The following KIF9 variants were observed in gnomAD, a reference collection of about 807,000 sequenced individuals.
KIF9 encodes kinesin-like protein KIF9.
KIF9 carries 68 observed loss-of-function variants against 94.8 expected under a neutral mutation model. That is an observed-to-expected ratio of 0.72 (90% confidence interval 0.59 to 0.88). The LOEUF (loss-of-function observed/expected upper bound fraction) is 0.88. Among genes scored for constraint, KIF9 ranks in the 40% least tolerant of loss-of-function variants. The pLI, the probability that KIF9 is intolerant of heterozygous loss-of-function variation, is 0.00. For missense variants in KIF9, 882 were observed against 982.5 expected, an observed-to-expected ratio of 0.90 and a Z score of 1.37; for synonymous variants, 343 against 362.1, an observed-to-expected ratio of 0.95 and a Z score of 0.60.
chr3:47,269,448 A>AT (rs1436481514), intron 5 of KIF9, among the ~76,000 whole-genome samples: 1 of 151,262 alleles, frequency 6.6e-6, no homozygotes, highest in Non-Finnish European at 1.5e-5. Flanking sequence ...TGCCTGGCTA[A>AT]TTTTTGTATT....
chr3:47,231,375 T>A (rs1698563300), intron 20 of KIF9, among the ~76,000 whole-genome samples: 1 of 147,180 alleles, frequency 6.8e-6, no homozygotes, highest in Admixed American at 6.9e-5. Flanking sequence ...TTATTCAAAA[T>A]ATAGAATCTC....
intron 10 of KIF9, among the ~76,000 whole-genome samples, chr3:47,254,515 G>A (rs1224381384): frequency 6.6e-6 from 1 of 152,178 alleles, no homozygotes; most frequent in Non-Finnish European, 1.5e-5. Context: ...GGAGGCTGAG[G>A]CAGAAGAATG....
In KIF9 at chr3:47,256,092, C is replaced by T. The variant is rs978647709; in HGVS notation, c.1059+1391G>A. Among the ~76,000 whole-genome samples the T allele has an allele frequency of 5.9e-5, 9 of 152,206 alleles. No individual in the cohort carries two copies. The East Asian group carries it at 7.7e-4, about 13-fold the overall frequency. On this transcript the variant is annotated intron_variant, in intron 10 of 20. Coordinates refer to ENST00000684063, the MANE Select transcript of KIF9 (RefSeq NM_182902.4). Reference sequence around the variant, plus strand: ...TGGTGCCCAGGCTGGAGTGCAGTGGCGTGATCTCGGCTCGCTACAACTTCC... The same window carrying T: ...TGGTGCCCAGGCTGGAGTGCAGTGGTGTGATCTCGGCTCGCTACAACTTCC...
At chr3:47,255,404 T>C (rs893507597) in intron 10 of KIF9, among the ~76,000 whole-genome samples, 4 of 152,200 alleles carry the variant, frequency 2.6e-5, no homozygotes, top group Non-Finnish European at 4.4e-5. Flanking sequence ...AGCTGTTTAC[T>C]GGGACGAAAG....
chr3:47,241,940 G>A (rs971189279), intron 16 of KIF9, among the ~76,000 whole-genome samples: 21 of 144,662 alleles, frequency 1.5e-4, no homozygotes, highest in African/African-American at 4.7e-4. Context: ...ATGGAGTTCA[G>A]TGACTCGATC....
chr3:47,237,388 G>A lies in KIF9; in HGVS notation c.1925-769C>T, dbSNP rs140215906. On this transcript the variant is annotated intron_variant, in intron 17 of 20. Coordinates refer to ENST00000684063, the MANE Select transcript of KIF9 (RefSeq NM_182902.4). The stretch of plus-strand genomic sequence containing the variant: ...GGATTACAGGCGTGAGCCACCATGC[G>A]CAGCTCACCAGCTACCTTCTTGTTA... Among the ~76,000 whole-genome samples, 13 of 152,216 alleles carry A rather than the reference G, an allele frequency of 8.5e-5. No individual in the cohort carries two copies. The East Asian group carries it at 2.5e-3, about 29-fold the overall frequency.
chr3:47,270,766 CT>C (rs1451866587), intron 5 of KIF9, among the ~76,000 whole-genome samples: 2 of 150,954 alleles, frequency 1.3e-5, no homozygotes, highest in African/African-American at 4.9e-5. Context: ...AAATAAAATT[CT>C]TTTTTGTTCC....
At chr3:47,234,299 T>C (rs552694033) in intron 20 of KIF9, among the ~76,000 whole-genome samples, 11 of 151,380 alleles carry the variant, frequency 7.3e-5, no homozygotes, top group African/African-American at 1.2e-4. Flanking sequence ...AGTGGTACAA[T>C]CTCAGCTCAC....
intron 10 of KIF9, among the ~76,000 whole-genome samples, chr3:47,251,875 G>C (rs368041083): frequency 6.6e-6 from 1 of 152,124 alleles, no homozygotes; most frequent in African/African-American, 2.4e-5. Flanking sequence ...ATCACCGACT[G>C]GCAGAGTGGG....
At chr3:47,262,348 C>T (rs889715164) in intron 9 of KIF9, among the ~76,000 whole-genome samples, 9 of 151,798 alleles carry the variant, frequency 5.9e-5, no homozygotes, top group Middle Eastern at 6.8e-3. Flanking sequence ...GCCCAATCTC[C>T]GCTCACTACA....
Position 47,275,979 on chromosome 3 carries a change from A to T in KIF9, c.94-489T>A, listed in dbSNP as rs75675539. ...CTTCCACACACACGCTATGAGCCAA[A>T]GTGAGTGATGATGAAATGAAAGCCA... On this transcript the variant is annotated intron_variant, in intron 2 of 20. Coordinates refer to ENST00000684063, the MANE Select transcript of KIF9 (RefSeq NM_182902.4). 5.3e-3 allele frequency among the ~76,000 whole-genome samples: 808 copies of T among 152,262 alleles called. 8 individuals carry two copies. The highest frequency in any genetic ancestry group is 0.019 in the African/African-American group (771 of 41,552).
At chr3:47,255,808 G>A (rs540819575) in intron 10 of KIF9, among the ~76,000 whole-genome samples, 1 of 151,920 alleles carries the variant, frequency 6.6e-6, no homozygotes, top group African/African-American at 2.4e-5. Flanking sequence ...CTCTGATGCC[G>A]AGCCGAAGCT....
intron 20 of KIF9, among the ~76,000 whole-genome samples, chr3:47,229,188 G>A (rs1158142232): frequency 1.3e-5 from 2 of 152,170 alleles, no homozygotes; most frequent in Non-Finnish European, 2.9e-5. Flanking sequence ...GCCAGCAAAC[G>A]CTAAAACTAG....
At chr3:47,243,976 T>A (rs564244937) in intron 15 of KIF9, 6 of 152,394 alleles carry the variant, frequency 3.9e-5, no homozygotes, top group Admixed American at 3.9e-4. Context: ...ACTGCACTCA[T>A]GAAGAGGCAG....
intron 9 of KIF9, among the ~76,000 whole-genome samples, chr3:47,263,037 C>G (rs989287034): frequency 1.3e-4 from 20 of 151,964 alleles, no homozygotes; most frequent in African/African-American, 4.3e-4. Flanking sequence ...TAGCTGGGAC[C>G]ACAGGCATGC....
chr3:47,255,885 G>A (rs982500976), intron 10 of KIF9, among the ~76,000 whole-genome samples: 6 of 152,052 alleles, frequency 3.9e-5, no homozygotes, highest in East Asian at 1.9e-4. Flanking sequence ...TCAGCCTGCC[G>A]AGTGCCTGTG....
chr3:47,277,981 T>C (rs905369397), intron 1 of KIF9, among the ~76,000 whole-genome samples: 2 of 151,096 alleles, frequency 1.3e-5, no homozygotes, highest in Non-Finnish European at 2.9e-5. Flanking sequence ...TATATTCTCA[T>C]CATTTTCTTT....
chr3:47,232,200 C>T (rs942197784), intron 20 of KIF9, among the ~76,000 whole-genome samples: 3 of 152,216 alleles, frequency 2.0e-5, no homozygotes, highest in African/African-American at 7.2e-5. Context: ...GGAGGGCAAA[C>T]CCTTACTAGC....
At chr3:47,274,275 A>G (rs372298065) in intron 3 of KIF9, among the ~76,000 whole-genome samples, 1 of 152,184 alleles carries the variant, frequency 6.6e-6, no homozygotes, top group African/African-American at 2.4e-5. Flanking sequence ...CCACCCTGGG[A>G]AGACTTTCAT....
Sources: allele counts gnomAD v4.1 joint callset (sites outside exome capture counted in the v4.1 genomes callset), GRCh38; gene constraint gnomAD v4.1.1; transcripts MANE v1.5; gene names NCBI Gene and HGNC (gene_info 2026-07-23, HGNC 2026-07-21).